IGF1R: variants seen among roughly 807,000 people sequenced by gnomAD.
The protein encoded by IGF1R is insulin-like growth factor 1 receptor.
IGF1R carries 44 observed loss-of-function variants against 144.6 expected under a neutral mutation model. The observed-to-expected ratio is 0.30, with a 90% confidence interval of 0.24 to 0.39. The LOEUF is 0.39. Ranked by LOEUF, IGF1R falls within the 10% of genes least tolerant of loss-of-function variation. IGF1R has a pLI of 1.00. For missense variants in IGF1R, 1,355 were observed against 1,833.7 expected (o/e 0.74, Z 4.77); for synonymous variants, 795 against 722.8 (o/e 1.10, Z -1.60).
At chr15:98,911,589 C>T (rs1596439118) in intron 7 of IGF1R, 148 bp downstream of exon 7, 3 of 1,013,084 alleles carry the variant, frequency 3.0e-6, no homozygotes, top group East Asian at 2.4e-5. Context: ...ACTTCATCCT[C>T]ATGCACCCTC....
At chr15:98,919,810 C>T (rs2015410611) in intron 10 of IGF1R, among the ~76,000 whole-genome samples, 2 of 152,202 alleles carry the variant, frequency 1.3e-5, no homozygotes, top group Admixed American at 1.3e-4. Flanking sequence ...GAGTGTCCAG[C>T]AGAGAGAATG....
chr15:98,916,441 T>C (rs2015252781), intron 9 of IGF1R: 2 of 574,130 alleles, frequency 3.5e-6, no homozygotes, highest in Non-Finnish European at 6.2e-6. Context: ...TTTGTATTTT[T>C]AGTAGAGACG....
chr15:98,945,271 A>G (rs2016509622), intron 19 of IGF1R, among the ~76,000 whole-genome samples: 1 of 152,226 alleles, frequency 6.6e-6, no homozygotes, highest in African/African-American at 2.4e-5. Context: ...TGCTTCTTTC[A>G]TGACTAATTA....
At chr15:98,915,876 C>T (rs1338925613) in intron 8 of IGF1R, 88 bp from the exon 9 acceptor site, 5 of 1,179,998 alleles carry the variant, frequency 4.2e-6, no homozygotes, top group Admixed American at 1.7e-5. Context: ...GTCAAACTGG[C>T]AGTTTCCTGT....
Position 98,704,558 on chromosome 15 carries a change from C to T in IGF1R, c.95-3004C>T, listed in dbSNP as rs1430907425. 2.0e-5 allele frequency among the ~76,000 whole-genome samples: 3 copies of T among 152,062 alleles called. No individual in the cohort carries two copies. Among genetic ancestry groups the T allele is most frequent in the African/African-American group, 4.8e-5 (2 of 41,396 alleles). ...GAGTTGATAGTGGCTCAGATCAGAG[C>T]TAAAGTAGTGGAGACACACAGACAT... On this transcript the variant is annotated intron_variant, in intron 1 of 20. Transcript: ENST00000650285. This position sits in a 1 kb window ranked among gnomAD's most constrained non-coding sequence, Gnocchi z 4.9.
intron 20 of IGF1R, 51 bp from the exon 21 acceptor site, chr15:98,957,010 G>A: frequency 1.2e-6 from 2 of 1,609,670 alleles, no homozygotes; most frequent in Non-Finnish European, 1.7e-6. Context: ...AAGCCTCCTG[G>A]CCATGTGCGC....
In IGF1R at chr15:98,913,840, A is replaced by G. The variant is rs192350274; in HGVS notation, c.1828+558A>G. On this transcript the variant is annotated intron_variant, in intron 8 of 20. Coordinates refer to ENST00000650285, the MANE Select transcript of IGF1R (RefSeq NM_000875.5). ...TCATTTCTCAACTCCAGATCTGGAA[A>G]CAGTAAAAGCAAACGTTAATAGTTT... Among the ~76,000 whole-genome samples the G allele has an allele frequency of 7.9e-5, 12 of 152,370 alleles. No homozygotes were observed. In the East Asian group the frequency reaches 1.9e-3, roughly 24 times the overall value.
chr15:98,839,235 A>AT (rs2011135310), intron 2 of IGF1R, among the ~76,000 whole-genome samples: 2 of 152,370 alleles, frequency 1.3e-5, no homozygotes, highest in Non-Finnish European at 2.9e-5. Context: ...GAGACAAAAA[A>AT]TTGAGGCACA....
intron 2 of IGF1R, among the ~76,000 whole-genome samples, chr15:98,777,356 C>A (rs1225384912): frequency 6.6e-6 from 1 of 152,204 alleles, no homozygotes; most frequent in African/African-American, 2.4e-5. Context: ...TTTGTTAAAC[C>A]TTTCAAAGAG....
chr15:98,904,615 G>C (rs2014642611), intron 5 of IGF1R, among the ~76,000 whole-genome samples: 1 of 152,136 alleles, frequency 6.6e-6, no homozygotes, highest in Admixed American at 6.5e-5. Context: ...ACTCTTATCA[G>C]TTGCAGATGG....
intron 20 of IGF1R, among the ~76,000 whole-genome samples, chr15:98,953,979 G>C (rs577693930): frequency 6.6e-6 from 1 of 152,244 alleles, no homozygotes; most frequent in Admixed American, 6.5e-5. Flanking sequence ...TTCCTAAGAC[G>C]ACCCTTACTG....
chr15:98,838,034 T>C (rs560382538), intron 2 of IGF1R, among the ~76,000 whole-genome samples: 2 of 152,226 alleles, frequency 1.3e-5, no homozygotes, highest in Admixed American at 6.5e-5. Context: ...TGAGAGTCTT[T>C]TAGGTACTGA....
chr15:98,868,263 G>C (rs1317989896), intron 2 of IGF1R, among the ~76,000 whole-genome samples: 1 of 141,098 alleles, frequency 7.1e-6, no homozygotes, highest in African/African-American at 2.6e-5. Flanking sequence ...GGAGGTCAAG[G>C]CTTCAGTGAG....
At chr15:98,681,545 C>A (rs1288005428) in intron 1 of IGF1R, among the ~76,000 whole-genome samples, 1 of 152,146 alleles carries the variant, frequency 6.6e-6, no homozygotes, top group Non-Finnish European at 1.5e-5. Context: ...CCATAGAAGA[C>A]AGCTTGGATG....
rs556151629 is a variant in IGF1R, at chr15:98,949,004, C to G, written c.3722+296C>G. On this transcript the variant is annotated intron_variant, in intron 20 of 20. Coordinates refer to ENST00000650285, the MANE Select transcript of IGF1R (RefSeq NM_000875.5). ...TGTGAAATGTTTGGCCAGAGTAATC[C>G]ATCCTTACTCATCCTCTCCATGTGA... is the stretch of plus-strand genomic sequence containing the variant. 8.5e-5 allele frequency among the ~76,000 whole-genome samples: 13 copies of G among 152,298 alleles called. No individual in the cohort carries two copies. The South Asian group carries it at 2.7e-3, about 32-fold the overall frequency.
intron 1 of IGF1R, among the ~76,000 whole-genome samples, chr15:98,662,305 T>C (rs1339529529): frequency 6.6e-6 from 1 of 152,070 alleles, no homozygotes; most frequent in African/African-American, 2.4e-5. Context: ...TTTGCACATC[T>C]ACAGTGAAAG....
At chr15:98,868,791 A>T (rs1051476337) in intron 2 of IGF1R, among the ~76,000 whole-genome samples, 6 of 152,168 alleles carry the variant, frequency 3.9e-5, no homozygotes, top group Non-Finnish European at 8.8e-5. Context: ...TAGCACGGGT[A>T]GCAGTGAGTG....
intron 2 of IGF1R, among the ~76,000 whole-genome samples, chr15:98,715,890 G>A (rs2054102635): frequency 1.3e-5 from 2 of 152,176 alleles, no homozygotes; most frequent in Non-Finnish European, 1.5e-5. Flanking sequence ...TGTGGCACAG[G>A]CAGTATTAAG....
intron 6 of IGF1R, among the ~76,000 whole-genome samples, chr15:98,909,251 CTTTTTTTTTCTTT>C (rs1451898322): frequency 5.1e-5 from 2 of 38,892 alleles, no homozygotes; most frequent in Non-Finnish European, 1.4e-4. Flanking sequence ...TCTTTTTTTT[CTTTTTTTTTCTTT>C]TTTTTTTTTT....
Sources: gnomAD v4.1 joint callset for allele counts (sites outside exome capture counted in the v4.1 genomes callset) on GRCh38, gnomAD v4.1.1 for gene constraint, Gnocchi (gnomAD v3.1) non-coding constraint, MANE v1.5 for transcripts, NCBI Gene and HGNC (gene_info 2026-07-23, HGNC 2026-07-21) for gene names.